The following GPR39 variants were observed in gnomAD, a reference collection of about 807,000 sequenced individuals.
The protein encoded by GPR39 is G protein-coupled receptor 39, also known as zinc sensing receptor.
In GPR39, 23 loss-of-function variants were observed where a neutral mutation model predicts 18.4. The ratio of observed to expected loss-of-function variants is 1.25; its 90% CI spans 0.90 to 1.77. The LOEUF is 1.77. GPR39 is among the 40% of genes most tolerant of loss of function. The pLI, the probability that GPR39 is intolerant of heterozygous loss-of-function variation, is 0.00. For missense variants in GPR39, 647 were observed against 602.4 expected, an observed-to-expected ratio of 1.07 and a Z score of -0.78; for synonymous variants, 280 against 257.9, an observed-to-expected ratio of 1.09 and a Z score of -0.82.
chr2:132,476,402 G>A (rs1186605200), intron 1 of GPR39, among the ~76,000 whole-genome samples: 7 of 152,048 alleles, frequency 4.6e-5, no homozygotes, highest in Non-Finnish European at 7.4e-5. Context: ...TTGGGAGGCC[G>A]AGGTGGGTGG....
intron 1 of GPR39, among the ~76,000 whole-genome samples, chr2:132,548,297 A>G (rs1431193149): frequency 6.6e-6 from 1 of 152,234 alleles, no homozygotes; most frequent in Non-Finnish European, 1.5e-5. Flanking sequence ...CACTATTGCT[A>G]AAGGTCTTCT....
At chr2:132,553,117 G>T (rs910124980) in intron 1 of GPR39, among the ~76,000 whole-genome samples, 1 of 150,896 alleles carries the variant, frequency 6.6e-6, no homozygotes, top group Non-Finnish European at 1.5e-5. Flanking sequence ...GTAGAGATGG[G>T]GTTTTGCCAT....
At chr2:132,433,987 T>A (rs755385658) in intron 1 of GPR39, among the ~76,000 whole-genome samples, 4 of 151,946 alleles carry the variant, frequency 2.6e-5, no homozygotes, top group Non-Finnish European at 5.9e-5. Flanking sequence ...GATGGTTTAA[T>A]AATTTTAGAC....
At chr2:132,533,934 A>G (rs1679692381) in intron 1 of GPR39, among the ~76,000 whole-genome samples, 1 of 152,234 alleles carries the variant, frequency 6.6e-6, no homozygotes, top group South Asian at 2.1e-4. Flanking sequence ...AGGCATGGGC[A>G]AGGACTTCAT....
At chr2:132,596,495 C>T (rs1680952293) in intron 1 of GPR39, among the ~76,000 whole-genome samples, 1 of 152,114 alleles carries the variant, frequency 6.6e-6, no homozygotes, top group South Asian at 2.1e-4. Flanking sequence ...GTCCCTTCCC[C>T]CAGCCACCTG....
intron 1 of GPR39, among the ~76,000 whole-genome samples, chr2:132,620,676 G>A (rs1014575202): frequency 3.9e-5 from 6 of 152,086 alleles, no homozygotes; most frequent in African/African-American, 1.4e-4. Flanking sequence ...ACTTCCCCTC[G>A]CCTCTCTGTT....
chr2:132,532,917 T>C (rs1167513595), intron 1 of GPR39, among the ~76,000 whole-genome samples: 1 of 151,998 alleles, frequency 6.6e-6, no homozygotes, highest in Non-Finnish European at 1.5e-5. Flanking sequence ...CTGGAAGCAT[T>C]CCCTTTGAAA....
intron 1 of GPR39, among the ~76,000 whole-genome samples, chr2:132,546,628 C>G (rs1679953532): frequency 6.6e-6 from 1 of 151,936 alleles, no homozygotes; most frequent in African/African-American, 2.4e-5. Flanking sequence ...AAATTACTTT[C>G]TCCCTTCCCT....
intron 1 of GPR39, among the ~76,000 whole-genome samples, chr2:132,589,622 A>G (rs980302545): frequency 8.5e-5 from 13 of 152,332 alleles, no homozygotes; most frequent in Middle Eastern, 6.8e-3. Context: ...CTATGCTTGG[A>G]CACAGCTAGT....
At chr2:132,546,922 A>G (rs990899050) in intron 1 of GPR39, among the ~76,000 whole-genome samples, 4 of 150,826 alleles carry the variant, frequency 2.7e-5, no homozygotes, top group African/African-American at 9.8e-5. Flanking sequence ...GGGCTGGCTG[A>G]CATTTTGGCT....
At chr2:132,593,976 G>C (rs12616407) in intron 1 of GPR39, among the ~76,000 whole-genome samples, 1 of 151,878 alleles carries the variant, frequency 6.6e-6, no homozygotes, top group Non-Finnish European at 1.5e-5. Flanking sequence ...CTGATATTTT[G>C]TCCAGGTCAC....
intron 1 of GPR39, among the ~76,000 whole-genome samples, chr2:132,605,422 G>A (rs1681117876): frequency 6.6e-6 from 1 of 151,820 alleles, no homozygotes; most frequent in Non-Finnish European, 1.5e-5. Context: ...TCAGTGGCCT[G>A]GTGCTTCTTG....
intron 1 of GPR39, among the ~76,000 whole-genome samples, chr2:132,556,734 C>A (rs1186848104): frequency 6.6e-6 from 1 of 152,128 alleles, no homozygotes; most frequent in African/African-American, 2.4e-5. Flanking sequence ...CCTTAATCTA[C>A]CCCCACTTGG....
intron 1 of GPR39, among the ~76,000 whole-genome samples, chr2:132,453,941 T>C (rs1452694154): frequency 6.6e-6 from 1 of 152,230 alleles, no homozygotes; most frequent in African/African-American, 2.4e-5. Context: ...TTCCTTTGGC[T>C]TAGGATTGTC....
chr2:132,564,514 C>A lies in GPR39; in HGVS notation c.857-80587C>A, dbSNP rs893780459. ...ATGTCCAACCTGAGTTGGCGCACTG[C>A]CCCGAGTAGGTAAGGAGGAGAGGAC... On this transcript the variant is annotated intron_variant, in intron 1 of 1. Coordinates refer to ENST00000329321, the MANE Select transcript of GPR39 (RefSeq NM_001508.3). Among the ~76,000 whole-genome samples, 16 of 152,300 alleles carry A rather than the reference C, an allele frequency of 1.1e-4. No individual in the cohort carries two copies. The South Asian group carries it at 2.1e-3, about 20-fold the overall frequency.
At chr2:132,487,966 C>T (rs565346767) in intron 1 of GPR39, among the ~76,000 whole-genome samples, 65 of 152,264 alleles carry the variant, frequency 4.3e-4, no homozygotes, top group African/African-American at 1.5e-3. Flanking sequence ...CACAACTCAA[C>T]ATATCATAAT....
chr2:132,557,088 G>C (rs918394078), intron 1 of GPR39, among the ~76,000 whole-genome samples: 2 of 152,160 alleles, frequency 1.3e-5, no homozygotes, highest in African/African-American at 4.8e-5. Flanking sequence ...GGCCAAGGGG[G>C]GGGGCAGATC....
At chr2:132,591,250 T>A in intron 1 of GPR39, among the ~76,000 whole-genome samples, 1 of 100,268 alleles carries the variant, frequency 1.0e-5, no homozygotes, top group African/African-American at 4.2e-5. Flanking sequence ...AGAGCGAGAC[T>A]CCGTCTCAAA....
At chr2:132,608,716 C>T (rs1020322957) in intron 1 of GPR39, among the ~76,000 whole-genome samples, 2 of 152,144 alleles carry the variant, frequency 1.3e-5, no homozygotes, top group Non-Finnish European at 2.9e-5. Flanking sequence ...TTCAGTCACC[C>T]TAGGGCCCCT....
Sources: gnomAD v4.1 joint callset for allele counts (sites outside exome capture counted in the v4.1 genomes callset) on GRCh38, gnomAD v4.1.1 for gene constraint, MANE v1.5 for transcripts, NCBI Gene and HGNC (gene_info 2026-07-23, HGNC 2026-07-21) for gene names.